FAM161B: variants seen among roughly 807,000 people sequenced by gnomAD.
FAM161B encodes the protein protein FAM161B.
A neutral mutation model predicts 61.5 loss-of-function variants in FAM161B; 46 were observed. That is an observed-to-expected ratio of 0.75 (90% confidence interval 0.59 to 0.96). The LOEUF is 0.96. Ranked by LOEUF, FAM161B falls within the 40% of genes least tolerant of loss-of-function variation. The pLI is 0.00. For synonymous variants in FAM161B, 284 were observed against 302.7 expected, an observed-to-expected ratio of 0.94 and a Z score of 0.64; for missense variants, 774 against 800.7, an observed-to-expected ratio of 0.97 and a Z score of 0.40.
chr14:73,950,011 G>T lies in FAM161B; in HGVS notation c.16C>A (p.Pro6Thr). The change falls in exon 1 of 9, where the codon CCT becomes ACT. Residue 6 changes from proline to threonine, a missense_variant. By Grantham distance (38) the Pro-to-Thr change is conservative (BLOSUM62 -1). Transcript: ENST00000286544. MTVGR[P>T]EGAPGGAEGS... is the part of the protein sequence containing the mutation. The stretch of plus-strand genomic sequence containing the variant: ...TCCGCGCCTCCGGGGGCTCCCTCAG[G>T]CCTCCCCACGGTCATTTCAGCTGGA... The T allele has an allele frequency of 6.2e-7, 1 of 1,612,870 alleles. No individual in the cohort carries two copies.
downstream of FAM161B, among the ~76,000 whole-genome samples, chr14:73,928,852 G>A (rs1325845476): frequency 6.6e-6 from 1 of 152,132 alleles, no homozygotes; most frequent in African/African-American, 2.4e-5. Flanking sequence ...AGAGGCTGAG[G>A]CAGGAGGATC....
rs771250519 is a variant in FAM161B, at chr14:73,944,481, C to G, written c.779G>C (p.Ser260Thr). The change falls in exon 3 of 9, where the codon AGC becomes ACC. Residue 260 changes from serine (S) to threonine (T), a missense_variant. Ser to Thr is a moderately conservative substitution (Grantham distance 58). Transcript: ENST00000286544. ...ELLLSSLKPFSFLEKEEQLKE... is the reference protein window; with the variant it reads ...ELLLSSLKPFTFLEKEEQLKE... ...TAGCTGCTCCTCCTTCTCCAGGAAG[C>G]TGAAGGGCTTCAAAGAAGAGAGGAG... 5 of 1,614,012 alleles carry G rather than the reference C, an allele frequency of 3.1e-6. No homozygotes were observed. The highest frequency in any genetic ancestry group is 3.3e-5 in the Admixed American group (2 of 60,030).
chr14:73,934,432 T>C (rs1361559446), intron 8 of FAM161B, 38 bp from the exon 9 acceptor site: 1 of 1,585,264 alleles, frequency 6.3e-7, no homozygotes, highest in Non-Finnish European at 8.6e-7. Context: ...CAAAAAAAAT[T>C]TTTTTTTCAG....
chr14:73,930,984 G>GT (rs2055903618), downstream of FAM161B, among the ~76,000 whole-genome samples: 1 of 152,182 alleles, frequency 6.6e-6, no homozygotes, highest in Non-Finnish European at 1.5e-5. Flanking sequence ...AGAGTAGAAT[G>GT]TTAGTGGTAG....
Position 73,941,026 on chromosome 14 carries a change from G to A in FAM161B, c.1300C>T (p.Leu434=). Residue 434 remains leucine (L), a synonymous_variant, in exon 5 of 9, where the codon CTG becomes TTG. Coordinates refer to ENST00000286544, the MANE Select transcript of FAM161B (RefSeq NM_152445.3). ...CCGCTCAGAGAACGACTCCTTGGCA[G>A]GGGTGTAGCTGGTGGCTGTGGGGAA... ...QDSPQPPATP[L]PRSRSLSGLA... The A allele has an allele frequency of 6.2e-7, 1 of 1,613,526 alleles. No homozygotes were observed.
At chr14:73,924,892 T>C in the FAM161B span, 1 of 321,212 alleles carries the variant, frequency 3.1e-6, no homozygotes, top group Non-Finnish European at 6.0e-6. Context: ...TTGGCCAGGA[T>C]GGTCTCGATC....
At chr14:73,924,651 G>C in the FAM161B span, 3 of 441,728 alleles carry the variant, frequency 6.8e-6, no homozygotes, top group Non-Finnish European at 1.3e-5. Context: ...AGTTTTTATG[G>C]TGCTCTTCCG....
At chr14:73,929,263 T>C (rs2055877095), downstream of FAM161B, among the ~76,000 whole-genome samples, 1 of 152,240 alleles carries the variant, frequency 6.6e-6, no homozygotes, top group South Asian at 2.1e-4. Flanking sequence ...TACCTTCAGT[T>C]TTTTTTCAAG....
rs763969761 is a variant in FAM161B, at chr14:73,941,038, G to T, written c.1288C>A (p.Pro430Thr). ...CGACTCCTTGGCAGGGGTGTAGCTG[G>T]TGGCTGTGGGGAATCCTAGAAGAAA... ...TGRRQDSPQP[P>T]ATPLPRSRSL... Residue 430 changes from proline (P) to threonine (T), a missense_variant, in exon 5 of 9, where the codon CCA (proline) becomes ACA (threonine). By Grantham distance (38) the Pro-to-Thr change is conservative. Transcript: ENST00000286544. The T allele has an allele frequency of 6.2e-7, 1 of 1,613,264 alleles. No homozygotes were observed. The highest frequency in any genetic ancestry group is 2.2e-5 in the East Asian group (1 of 44,852).
In FAM161B at chr14:73,933,156, T is replaced by G. The variant is rs1297010782; in HGVS notation, c.*1100A>C. On this transcript the variant is annotated 3_prime_UTR_variant, in exon 9 of 9. Coordinates refer to ENST00000286544, the MANE Select transcript of FAM161B (RefSeq NM_152445.3). ...ACTGTGTTCATGGCAATTACTTGTA[T>G]TCTTAGAATGCCAGTTTTTGCTTCA... is the stretch of plus-strand genomic sequence containing the variant. 8 of 152,258 alleles carry G rather than the reference T, an allele frequency of 5.3e-5. No homozygotes were observed. Among genetic ancestry groups the G allele is most frequent in the Non-Finnish European group, 7.3e-5 (5 of 68,054 alleles). The allele number at this position is 152,258 out of a possible 1,614,324, so 9.4% of individuals were successfully genotyped here.
At chr14:73,925,715 G>A in the FAM161B span, among the ~76,000 whole-genome samples, 2 of 152,094 alleles carry the variant, frequency 1.3e-5, no homozygotes, top group African/African-American at 2.4e-5. Context: ...GGTGTGAGCT[G>A]CCGCACTTGG....
downstream of FAM161B, chr14:73,931,459 A>G (rs770853207): frequency 2.6e-6 from 4 of 1,554,136 alleles, no homozygotes; most frequent in African/African-American, 2.7e-5. Context: ...TTTTTCTATA[A>G]TTCAACTGTA....
intron 7 of FAM161B, among the ~76,000 whole-genome samples, chr14:73,937,238 G>A (rs2055977397): frequency 6.6e-6 from 1 of 152,168 alleles, no homozygotes; most frequent in African/African-American, 2.4e-5. Flanking sequence ...CAGCAGCACT[G>A]CCAGAGGAGA....
chr14:73,923,412 TC>T, the FAM161B span: 1 of 1,613,246 alleles, frequency 6.2e-7, no homozygotes, highest in Non-Finnish European at 8.5e-7. Context: ...TGCTGAAGGA[TC>T]CCCACGTTCC....
chr14:73,943,377 A>C (rs1001818695), intron 3 of FAM161B, among the ~76,000 whole-genome samples: 1 of 152,102 alleles, frequency 6.6e-6, no homozygotes, highest in South Asian at 2.1e-4. Flanking sequence ...CTTCTGAACT[A>C]TATTTCTGAT....
the FAM161B span, chr14:73,924,906 T>G: frequency 3.2e-6 from 1 of 310,362 alleles, no homozygotes; most frequent in African/African-American, 2.3e-5. Flanking sequence ...CTCGATCTCT[T>G]GACCTCGTGA....
At chr14:73,935,070 A>AAAAG (rs112614061) in intron 8 of FAM161B, among the ~76,000 whole-genome samples, 61,319 of 149,956 alleles carry the variant, frequency 0.41, 13,419 homozygotes, top group South Asian at 0.5. Flanking sequence ...TCAAAAAAAA[A>AAAAG]AGTCTCAACA....
chr14:73,925,089 A>G, the FAM161B span, among the ~76,000 whole-genome samples: 3 of 152,212 alleles, frequency 2.0e-5, no homozygotes, highest in Non-Finnish European at 4.4e-5. Context: ...GGGGGTACCC[A>G]GGATTACAGG....
downstream of FAM161B, among the ~76,000 whole-genome samples, chr14:73,930,523 C>T (rs1225600944): frequency 2.0e-5 from 3 of 152,102 alleles, no homozygotes; most frequent in South Asian, 2.1e-4. Flanking sequence ...CAAGTAAATA[C>T]ATCTCAAGCT....
Sources: allele counts gnomAD v4.1 joint callset (sites outside exome capture counted in the v4.1 genomes callset), GRCh38; gene constraint gnomAD v4.1.1; transcripts MANE v1.5; gene names NCBI Gene and HGNC (gene_info 2026-07-23, HGNC 2026-07-21).